Variants in ZFPM2 observed in about 807,000 individuals in gnomAD.
ZFPM2 encodes zinc finger protein, FOG family member 2, also known as zinc finger protein ZFPM2.
A neutral mutation model predicts 98.6 loss-of-function variants in ZFPM2; 20 were observed. That is an observed-to-expected ratio of 0.20 (90% CI 0.14 to 0.29). ZFPM2 has a LOEUF of 0.29. Ranked by LOEUF, ZFPM2 falls within the 10% of genes least tolerant of loss-of-function variation. The pLI is 1.00. For synonymous variants in ZFPM2, 518 were observed against 502.7 expected (o/e 1.03, Z -0.41); for missense variants, 1,310 against 1,388.6 (o/e 0.94, Z 0.90).
intron 2 of ZFPM2, among the ~76,000 whole-genome samples, chr8:105,420,783 T>G (rs545346186): frequency 2.6e-5 from 4 of 152,162 alleles, no homozygotes; most frequent in Non-Finnish European, 5.9e-5. Flanking sequence ...TACATCCTTT[T>G]GTGCATTGTA....
chr8:105,544,906 A>G (rs891516167), intron 3 of ZFPM2, among the ~76,000 whole-genome samples: 47 of 152,290 alleles, frequency 3.1e-4, no homozygotes, highest in Non-Finnish European at 1.3e-4. Context: ...GGTAATAAGC[A>G]ATGGTAAATA....
chr8:105,664,321 TTGTGTGTGTGTGTGTG>T (rs148523592), intron 5 of ZFPM2, among the ~76,000 whole-genome samples: 2 of 144,540 alleles, frequency 1.4e-5, no homozygotes, highest in African/African-American at 2.5e-5. Flanking sequence ...CATAAAATTC[TTGTGTGTGTGTGTGTG>T]TGTGTGTGTG....
intron 5 of ZFPM2, among the ~76,000 whole-genome samples, chr8:105,728,880 T>C (rs1314531109): frequency 6.6e-6 from 1 of 151,724 alleles, no homozygotes; most frequent in African/African-American, 2.4e-5. Context: ...AAAAAGCAGC[T>C]GTGTTCGGGG....
At chr8:105,678,416 T>A (rs897804826) in intron 5 of ZFPM2, 2 of 152,138 alleles carry the variant, frequency 1.3e-5, no homozygotes, top group Admixed American at 1.3e-4. Context: ...TCTGATTGAG[T>A]ACGTTATGTT....
intron 5 of ZFPM2, among the ~76,000 whole-genome samples, chr8:105,761,400 A>G (rs1812732525): frequency 6.6e-6 from 1 of 152,018 alleles, no homozygotes. Context: ...TTGCCACCTT[A>G]TGTTTTGTGC....
At chr8:105,575,733 A>C (rs1815452410) in intron 4 of ZFPM2, among the ~76,000 whole-genome samples, 6 of 152,172 alleles carry the variant, frequency 3.9e-5, no homozygotes, top group Admixed American at 3.9e-4. Flanking sequence ...GGTCACTTTT[A>C]TTCTGTTGAC....
intron 3 of ZFPM2, among the ~76,000 whole-genome samples, chr8:105,553,094 A>T (rs1003950427): frequency 6.6e-6 from 1 of 152,204 alleles, no homozygotes; most frequent in African/African-American, 2.4e-5. Flanking sequence ...TACAGACGTG[A>T]ACCATTGTAC....
chr8:105,738,002 GT>G (rs1434027786), intron 5 of ZFPM2, among the ~76,000 whole-genome samples: 1 of 151,842 alleles, frequency 6.6e-6, no homozygotes, highest in East Asian at 1.9e-4. Context: ...AAGCAGCTAA[GT>G]TTTTTTGATA....
At chr8:105,449,692 T>C (rs1812447590) in intron 3 of ZFPM2, among the ~76,000 whole-genome samples, 1 of 152,040 alleles carries the variant, frequency 6.6e-6, no homozygotes, top group South Asian at 2.1e-4. Flanking sequence ...ACCAATTTTG[T>C]GACTTTGAGC....
intron 5 of ZFPM2, among the ~76,000 whole-genome samples, chr8:105,716,686 C>G (rs1811530818): frequency 6.6e-6 from 1 of 151,976 alleles, no homozygotes; most frequent in African/African-American, 2.4e-5. Context: ...CAAATCCAGA[C>G]ACCAAAAGGA....
chr8:105,730,776 CTTTTTTT>C (rs201573898), intron 5 of ZFPM2, among the ~76,000 whole-genome samples: 49,773 of 124,264 alleles, frequency 0.4, 8,630 homozygotes, highest in Middle Eastern at 0.42. Context: ...TTTCTTTTTT[CTTTTTTT>C]TTTTTTTTTT....
chr8:105,527,561 G>T (rs1189148965), intron 3 of ZFPM2, among the ~76,000 whole-genome samples: 1 of 152,184 alleles, frequency 6.6e-6, no homozygotes, highest in African/African-American at 2.4e-5. Context: ...TATTAAAGGG[G>T]CTCCAGCCTT....
intron 3 of ZFPM2, among the ~76,000 whole-genome samples, chr8:105,452,555 C>A (rs1419991303): frequency 6.6e-6 from 1 of 151,760 alleles, no homozygotes; most frequent in African/African-American, 2.4e-5. Flanking sequence ...TGAGACCAAC[C>A]TGGGCAATAT....
chr8:105,609,596 A>G (rs987867568), intron 4 of ZFPM2, among the ~76,000 whole-genome samples: 4 of 152,202 alleles, frequency 2.6e-5, no homozygotes, highest in South Asian at 2.1e-4. Context: ...GCGTTCTTAT[A>G]TCACTGCCCC....
intron 5 of ZFPM2, among the ~76,000 whole-genome samples, chr8:105,635,483 C>A (rs1442411286): frequency 7.2e-5 from 11 of 151,914 alleles, no homozygotes; most frequent in African/African-American, 2.7e-4. Context: ...AATCTGCACA[C>A]CAGGATCTGA....
At chr8:105,733,202 C>G (rs993970323) in intron 5 of ZFPM2, among the ~76,000 whole-genome samples, 1 of 151,856 alleles carries the variant, frequency 6.6e-6, no homozygotes, top group Non-Finnish European at 1.5e-5. Flanking sequence ...AGGCTGATGC[C>G]TGGGAAGCCC....
intron 5 of ZFPM2, among the ~76,000 whole-genome samples, chr8:105,659,332 T>C (rs1817345861): frequency 6.6e-6 from 1 of 152,202 alleles, no homozygotes; most frequent in Non-Finnish European, 1.5e-5. Context: ...TGTTATGCCC[T>C]AACCTTCAAC....
intron 4 of ZFPM2, among the ~76,000 whole-genome samples, chr8:105,592,419 G>T (rs1354976248): frequency 6.6e-6 from 1 of 152,080 alleles, no homozygotes; most frequent in African/African-American, 2.4e-5. Flanking sequence ...TCACATTTTG[G>T]TGCAGTTACA....
At position 105,337,461 on chromosome 8, in the gene ZFPM2, G is replaced by A. The variant is rs548944100; in HGVS notation, c.40+18480G>A. ...ACTTTCATATACATAGAATTTGGTTGTAAATCTCAAAGTTTCAAAATTCTT... is the reference window on the plus strand; with the variant it reads ...ACTTTCATATACATAGAATTTGGTTATAAATCTCAAAGTTTCAAAATTCTT... On this transcript the variant is annotated intron_variant, in intron 1 of 7. Coordinates refer to ENST00000407775, the MANE Select transcript of ZFPM2 (RefSeq NM_012082.4). 2.0e-5 allele frequency among the ~76,000 whole-genome samples: 3 copies of A among 151,822 alleles called. No individual in the cohort carries two copies. In the East Asian group the frequency reaches 5.8e-4, roughly 29 times the overall value.
Sources: gnomAD v4.1 joint callset for allele counts (sites outside exome capture counted in the v4.1 genomes callset) on GRCh38, gnomAD v4.1.1 for gene constraint, MANE v1.5 for transcripts, NCBI Gene and HGNC (gene_info 2026-07-23, HGNC 2026-07-21) for gene names.